The following SCAF4 variants were observed in gnomAD, a reference collection of about 807,000 sequenced individuals.
The protein encoded by SCAF4 is SR-related CTD associated factor 4, also known as SR-related and CTD-associated factor 4.
In SCAF4, 25 loss-of-function variants were observed where a neutral mutation model predicts 129.8. That is an observed-to-expected ratio of 0.19 (90% CI 0.14 to 0.27). SCAF4 has a LOEUF of 0.27. Ranked by LOEUF, SCAF4 falls within the 10% of genes least tolerant of loss-of-function variation. SCAF4 has a pLI of 1.00. For missense variants in SCAF4, 1,246 were observed against 1,457.1 expected (o/e 0.86, Z 2.36); for synonymous variants, 551 against 497.7 (o/e 1.11, Z -1.43).
intron 15 of SCAF4, 89 bp downstream of exon 15, chr21:31,690,708 G>T (rs1050515785): frequency 1.7e-6 from 2 of 1,200,410 alleles, no homozygotes; most frequent in Non-Finnish European, 1.2e-6. Context: ...CAAAAATCAC[G>T]TCCTAATGCA....
At chr21:31,729,486 G>A (rs1379454890) in intron 1 of SCAF4, among the ~76,000 whole-genome samples, 1 of 152,326 alleles carries the variant, frequency 6.6e-6, no homozygotes, top group African/African-American at 2.4e-5. Context: ...TAGCTCTACA[G>A]TATTCAGGAC....
chr21:31,685,702 A>C lies in SCAF4; in HGVS notation c.2075T>G (p.Val692Gly), dbSNP rs938553168. ...VPPHQPGPPV[V>G]GALQPPAFTP... ...GAAAGCAGGCGGCTGGAGAGCACCA[A>C]CTACAGGTGGACCCGGTTGATGTGG... is the stretch of plus-strand genomic sequence containing the variant. Residue 692 changes from valine to glycine, a missense_variant, in exon 17 of 20, where the codon GTT becomes GGT. By Grantham distance (109) the Val-to-Gly change is moderately radical. Coordinates refer to ENST00000286835, the MANE Select transcript of SCAF4 (RefSeq NM_020706.2). The C allele has an allele frequency of 2.5e-6, 4 of 1,609,070 alleles. No homozygotes were observed. Among genetic ancestry groups the C allele is most frequent in the Non-Finnish European group, 3.4e-6 (4 of 1,177,918 alleles).
At chr21:31,686,276 A>T (rs2050123212) in intron 16 of SCAF4, among the ~76,000 whole-genome samples, 1 of 151,886 alleles carries the variant, frequency 6.6e-6, no homozygotes, top group South Asian at 2.1e-4. Context: ...ACTTTATGAC[A>T]GCAATTTCAC....
intron 1 of SCAF4, among the ~76,000 whole-genome samples, chr21:31,729,262 C>T (rs1000028384): frequency 2.6e-5 from 4 of 152,174 alleles, no homozygotes; most frequent in Non-Finnish European, 5.9e-5. Context: ...ACTCACTTTT[C>T]AGCACTACTG....
chr21:31,679,587 A>G (rs1009828839), intron 19 of SCAF4, among the ~76,000 whole-genome samples: 1 of 152,222 alleles, frequency 6.6e-6, no homozygotes, highest in Non-Finnish European at 1.5e-5. Flanking sequence ...TGTATTATAC[A>G]TTAAGATTAT....
At chr21:31,705,310 T>C (rs1041716474) in intron 3 of SCAF4, 113 bp downstream of exon 3, 2 of 531,014 alleles carry the variant, frequency 3.8e-6, no homozygotes, top group East Asian at 3.6e-5. Flanking sequence ...AAAGAACCTC[T>C]AGTGACTAAA....
At chr21:31,710,425 TG>T (rs2050772492) in intron 1 of SCAF4, among the ~76,000 whole-genome samples, 1 of 152,216 alleles carries the variant, frequency 6.6e-6, no homozygotes, top group African/African-American at 2.4e-5. Flanking sequence ...GGCATGTGCC[TG>T]TAGTCCCAGC....
In SCAF4 at chr21:31,731,656, C is replaced by CCCTTA; in HGVS notation, c.30+2_30+6dup. 1.3e-6 allele frequency: 2 copies of CCCTTA among 1,588,042 alleles called. No individual in the cohort carries two copies. Among genetic ancestry groups the CCCTTA allele is most frequent in the Non-Finnish European group, 1.7e-6 (2 of 1,172,054 alleles). ...CCCGGCACCCCCCTGCCCCAAACAC[C>CCCTTA]CCTTACCTCCTGGTTGAAGGCGTTG... On this transcript the variant is annotated splice_region_variant and intron_variant, in intron 1 of 19. Coordinates refer to ENST00000286835, the MANE Select transcript of SCAF4 (RefSeq NM_020706.2).
intron 6 of SCAF4, 87 bp downstream of exon 6, chr21:31,701,689 A>T (rs1233526532): frequency 7.2e-7 from 1 of 1,379,332 alleles, no homozygotes; most frequent in Admixed American, 2.7e-5. Context: ...TCTCCTTTCA[A>T]TGTGCTTATT....
At chr21:31,726,907 A>C (rs1223557200) in intron 1 of SCAF4, among the ~76,000 whole-genome samples, 1 of 152,192 alleles carries the variant, frequency 6.6e-6, no homozygotes, top group Non-Finnish European at 1.5e-5. Flanking sequence ...TTGTTTATGG[A>C]CCACAGAGAT....
intron 19 of SCAF4, among the ~76,000 whole-genome samples, chr21:31,678,313 T>C (rs892258846): frequency 3.9e-5 from 6 of 152,170 alleles, no homozygotes; most frequent in Non-Finnish European, 5.9e-5. Flanking sequence ...TCTTGACTCT[T>C]TTTCGCATTC....
At chr21:31,730,752 G>A (rs750772740) in intron 1 of SCAF4, among the ~76,000 whole-genome samples, 1 of 152,192 alleles carries the variant, frequency 6.6e-6, no homozygotes, top group Non-Finnish European at 1.5e-5. Context: ...TAGGATGTAT[G>A]GACTCTACAC....
At chr21:31,710,352 C>T (rs1056461383) in intron 1 of SCAF4, among the ~76,000 whole-genome samples, 8 of 152,090 alleles carry the variant, frequency 5.3e-5, no homozygotes, top group Middle Eastern at 3.4e-3. Flanking sequence ...AGTTCGAGAC[C>T]GGCCTGGCCA....
intron 1 of SCAF4, 82 bp from the exon 2 acceptor site, chr21:31,706,439 C>T (rs1289669048): frequency 6.6e-6 from 6 of 904,216 alleles, no homozygotes; most frequent in Non-Finnish European, 1.0e-5. Flanking sequence ...ATCTACATCA[C>T]CACTTGGAAA....
chr21:31,688,575 TC>T, intron 15 of SCAF4, 111 bp from the exon 16 acceptor site: 2 of 832,578 alleles, frequency 2.4e-6, no homozygotes, highest in Non-Finnish European at 3.8e-6. Context: ...TTAAAGAAAT[TC>T]CCATGCTAAT....
chr21:31,697,230 T>C (rs927311953), intron 7 of SCAF4, among the ~76,000 whole-genome samples: 2 of 151,854 alleles, frequency 1.3e-5, no homozygotes, highest in African/African-American at 4.8e-5. Flanking sequence ...AGAAAAAAAA[T>C]GGCAAGGACA....
At chr21:31,705,935 T>TGGC (rs1168789964) in intron 2 of SCAF4, among the ~76,000 whole-genome samples, 1 of 152,228 alleles carries the variant, frequency 6.6e-6, no homozygotes, top group Non-Finnish European at 1.5e-5. Flanking sequence ...CTGGGCGTGG[T>TGGC]GGCGCACACC....
chr21:31,709,465 CATCTAATGCCCCCAAAAAGCA>C (rs1424663218), intron 1 of SCAF4, among the ~76,000 whole-genome samples: 6 of 152,066 alleles, frequency 3.9e-5, no homozygotes, highest in African/African-American at 1.4e-4. Flanking sequence ...AGCTAATATT[CATCTAATGCCCCCAAAAAGCA>C]CTTCTTTATC....
At chr21:31,728,011 T>C (rs1304471264) in intron 1 of SCAF4, among the ~76,000 whole-genome samples, 2 of 152,152 alleles carry the variant, frequency 1.3e-5, no homozygotes, top group African/African-American at 4.8e-5. Flanking sequence ...TTTAATAACC[T>C]CTCTTATCTT....
Sources: gnomAD v4.1 joint callset for allele counts (sites outside exome capture counted in the v4.1 genomes callset) on GRCh38, gnomAD v4.1.1 for gene constraint, MANE v1.5 for transcripts, NCBI Gene and HGNC (gene_info 2026-07-23, HGNC 2026-07-21) for gene names.